The following UNC5D variants were observed in gnomAD, a reference collection of about 807,000 sequenced individuals.
UNC5D encodes unc-5 netrin receptor D.
UNC5D carries 39 observed loss-of-function variants against 105.4 expected under a neutral mutation model. The observed-to-expected ratio is 0.37, with a 90% CI of 0.29 to 0.48. The LOEUF (loss-of-function observed/expected upper bound fraction) is 0.48. UNC5D is among the 20% of genes least tolerant of loss of function. UNC5D has a pLI of 0.98. For synonymous variants in UNC5D, 452 were observed against 450.4 expected, an observed-to-expected ratio of 1.00 and a Z score of -0.04; for missense variants, 991 against 1,202.4, an observed-to-expected ratio of 0.82 and a Z score of 2.60.
intron 1 of UNC5D, among the ~76,000 whole-genome samples, chr8:35,413,294 G>T (rs200134374): frequency 7.3e-6 from 1 of 137,782 alleles, no homozygotes; most frequent in African/African-American, 2.8e-5. Context: ...TGTGTGTGTT[G>T]TGTGTGTGTG....
chr8:35,422,144 C>T (rs561187161), intron 1 of UNC5D, among the ~76,000 whole-genome samples: 6 of 152,146 alleles, frequency 3.9e-5, no homozygotes, highest in Non-Finnish European at 5.9e-5. Flanking sequence ...TCACACTCTC[C>T]GAGCTGCCAC....
intron 1 of UNC5D, among the ~76,000 whole-genome samples, chr8:35,355,695 A>G (rs1347999938): frequency 1.3e-5 from 2 of 152,168 alleles, no homozygotes. Context: ...CAATGTGGTA[A>G]TATTTACAGG....
intron 10 of UNC5D, among the ~76,000 whole-genome samples, chr8:35,728,113 C>T (rs1440961948): frequency 4.6e-5 from 6 of 129,698 alleles, no homozygotes; most frequent in Admixed American, 3.1e-4. Flanking sequence ...TATATATATG[C>T]CATAAAAACA....
intron 1 of UNC5D, among the ~76,000 whole-genome samples, chr8:35,250,149 T>C (rs1300560737): frequency 1.3e-5 from 2 of 152,162 alleles, no homozygotes; most frequent in Non-Finnish European, 2.9e-5. Context: ...TGTGTGTAAT[T>C]GAAATTCTGA....
At chr8:35,544,247 T>C in intron 1 of UNC5D, 1 of 905,640 alleles carries the variant, frequency 1.1e-6, no homozygotes, top group Non-Finnish European at 1.6e-6. Flanking sequence ...TTCCTTAGCC[T>C]ACCAAGGCTC....
intron 1 of UNC5D, chr8:35,255,680 A>G (rs1239814201): frequency 6.6e-6 from 1 of 152,132 alleles, no homozygotes; most frequent in Non-Finnish European, 1.5e-5. Flanking sequence ...TAGTTAGAAT[A>G]TTTACTGTTC....
At chr8:35,248,936 T>G (rs1304774335) in intron 1 of UNC5D, among the ~76,000 whole-genome samples, 1 of 94,428 alleles carries the variant, frequency 1.1e-5, no homozygotes, top group African/African-American at 4.5e-5. Context: ...TATAAATATA[T>G]AATATATTAT....
chr8:35,789,896 A>C (rs1044960600), intron 16 of UNC5D, among the ~76,000 whole-genome samples: 1 of 70,696 alleles, frequency 1.4e-5, no homozygotes, highest in African/African-American at 1.5e-4. Flanking sequence ...CAAGAAGAAA[A>C]CACACACACA....
chr8:35,726,126 G>A, intron 9 of UNC5D, 26 bp from the exon 10 acceptor site: 1 of 1,591,808 alleles, frequency 6.3e-7, no homozygotes, highest in Non-Finnish European at 8.6e-7. Flanking sequence ...TAGTTTCTGA[G>A]TGACAGATCA....
chr8:35,390,506 G>A (rs984984758), intron 1 of UNC5D, among the ~76,000 whole-genome samples: 2 of 151,928 alleles, frequency 1.3e-5, no homozygotes, highest in Non-Finnish European at 2.9e-5. Flanking sequence ...AAAATATTAT[G>A]GAGAAAACTT....
chr8:35,500,897 C>A (rs1396796932), intron 1 of UNC5D, among the ~76,000 whole-genome samples: 1 of 152,098 alleles, frequency 6.6e-6, no homozygotes, highest in East Asian at 1.9e-4. Flanking sequence ...AAATAAGATC[C>A]AAAACCTTTC....
chr8:35,503,093 C>G (rs1462930825), intron 1 of UNC5D, among the ~76,000 whole-genome samples: 1 of 152,042 alleles, frequency 6.6e-6, no homozygotes, highest in Non-Finnish European at 1.5e-5. Flanking sequence ...TTACAAGATA[C>G]CTGGGTGACT....
chr8:35,493,609 A>G (rs16884030), intron 1 of UNC5D, among the ~76,000 whole-genome samples: 3,419 of 152,304 alleles, frequency 0.022, 131 homozygotes, highest in African/African-American at 0.078. Context: ...AAGCAAAAAA[A>G]TCCATGCTCC....
intron 3 of UNC5D, among the ~76,000 whole-genome samples, chr8:35,581,269 C>T (rs944220016): frequency 9.2e-5 from 14 of 152,082 alleles, no homozygotes; most frequent in African/African-American, 2.4e-4. Context: ...GCCTCTCTTT[C>T]GGTGGAGTCT....
At chr8:35,610,023 T>A (rs1363456615) in intron 4 of UNC5D, among the ~76,000 whole-genome samples, 2 of 152,142 alleles carry the variant, frequency 1.3e-5, no homozygotes, top group African/African-American at 4.8e-5. Flanking sequence ...AAAAGTGTTA[T>A]GAATAATAAA....
chr8:35,555,822 C>T lies in UNC5D; in HGVS notation c.322+6312C>T, dbSNP rs1399577852. ...GCCTGCCAACAGAGCAAGACTCCAC[C>T]TCAAAAAAATACAAAAAAAAAAAGA... is the stretch of plus-strand genomic sequence containing the variant. On this transcript the variant is annotated intron_variant, in intron 2 of 16. Coordinates refer to ENST00000404895, the MANE Select transcript of UNC5D (RefSeq NM_080872.4). Among the ~76,000 whole-genome samples, 11 of 141,270 alleles carry T rather than the reference C, an allele frequency of 7.8e-5. No individual in the cohort carries two copies. In the Admixed American group the frequency reaches 8.0e-4, roughly 10 times the overall value. 92.7% of individuals were successfully genotyped at this position (141,270 alleles called of 152,430 possible). A position where few individuals can be genotyped will look rare whatever the true frequency, so the allele number is the denominator to read the frequency against.
chr8:35,664,565 G>T (rs1824309933), intron 4 of UNC5D, among the ~76,000 whole-genome samples: 1 of 152,028 alleles, frequency 6.6e-6, no homozygotes, highest in Non-Finnish European at 1.5e-5. Context: ...TTTTAATAGA[G>T]ATGCAGTTTC....
intron 1 of UNC5D, among the ~76,000 whole-genome samples, chr8:35,520,211 G>A (rs1165760570): frequency 2.0e-5 from 3 of 152,026 alleles, no homozygotes; most frequent in East Asian, 1.9e-4. Flanking sequence ...AGCCAGACAC[G>A]AAATATTATT....
At chr8:35,391,867 G>A (rs930190010) in intron 1 of UNC5D, among the ~76,000 whole-genome samples, 2 of 152,170 alleles carry the variant, frequency 1.3e-5, no homozygotes, top group African/African-American at 4.8e-5. Flanking sequence ...TAATCTTGCT[G>A]ATAAGTAACC....
Sources: gnomAD v4.1 joint callset for allele counts (sites outside exome capture counted in the v4.1 genomes callset) on GRCh38, gnomAD v4.1.1 for gene constraint, MANE v1.5 for transcripts, NCBI Gene and HGNC (gene_info 2026-07-23, HGNC 2026-07-21) for gene names.